Variants in NIPBL observed in about 807,000 individuals in gnomAD.
NIPBL encodes the protein nipped-B-like protein.
In NIPBL, 19 loss-of-function variants were observed where a neutral mutation model predicts 321.8. That is an observed-to-expected ratio of 0.06 (90% confidence interval 0.04 to 0.09). NIPBL has a LOEUF of 0.09. Ranked by LOEUF, NIPBL falls within the 10% of genes least tolerant of loss-of-function variation. The pLI is 1.00. For synonymous variants in NIPBL, 1,106 were observed against 1,114.1 expected (o/e 0.99, Z 0.14); for missense variants, 2,210 against 3,327.0 (o/e 0.66, Z 8.26).
intron 34 of NIPBL, among the ~76,000 whole-genome samples, chr5:37,040,119 A>G (rs1319079489): frequency 6.6e-6 from 1 of 152,160 alleles, no homozygotes; most frequent in African/African-American, 2.4e-5. Context: ...CATGTCTGCC[A>G]GTAGAGTCTG....
chr5:36,886,067 G>A, intron 1 of NIPBL: 1 of 702,664 alleles, frequency 1.4e-6, no homozygotes, highest in Non-Finnish European at 2.6e-6. Flanking sequence ...GTCCGCGCAG[G>A]TCGGAGCTGC....
intron 7 of NIPBL, 125 bp from the exon 8 acceptor site, chr5:36,971,820 G>A (rs1742878537): frequency 2.0e-6 from 3 of 1,493,700 alleles, no homozygotes; most frequent in Non-Finnish European, 2.7e-6. Context: ...AAGTGCAGAA[G>A]AATTATGCTT....
At chr5:37,054,214 A>AT (rs1437184113) in intron 42 of NIPBL, among the ~76,000 whole-genome samples, 2 of 151,406 alleles carry the variant, frequency 1.3e-5, no homozygotes, top group Non-Finnish European at 3.0e-5. Context: ...AAAAAAAAAA[A>AT]GAACAAAAGA....
chr5:36,968,738 G>A (rs1198885681), intron 6 of NIPBL, among the ~76,000 whole-genome samples: 1 of 152,074 alleles, frequency 6.6e-6, no homozygotes, highest in Non-Finnish European at 1.5e-5. Context: ...GTTACCTAGT[G>A]GTAGAAAAAA....
chr5:36,944,150 A>T (rs1739407952), intron 1 of NIPBL, among the ~76,000 whole-genome samples: 1 of 152,028 alleles, frequency 6.6e-6, no homozygotes, highest in Non-Finnish European at 1.5e-5. Flanking sequence ...TTTTTATTGG[A>T]AGTAGGGACA....
intron 1 of NIPBL, among the ~76,000 whole-genome samples, chr5:36,911,045 A>G (rs944967161): frequency 6.6e-6 from 1 of 152,198 alleles, no homozygotes; most frequent in East Asian, 1.9e-4. Flanking sequence ...AAGATCATTT[A>G]AAAAAATATC....
At chr5:37,052,611 A>G (rs932970486) in intron 42 of NIPBL, 45 bp downstream of exon 42, 2 of 1,446,526 alleles carry the variant, frequency 1.4e-6, no homozygotes, top group African/African-American at 2.8e-5. Context: ...GTGCTCTAGA[A>G]ATTTTATGGA....
intron 18 of NIPBL, among the ~76,000 whole-genome samples, 156 bp from the exon 19 acceptor site, chr5:37,007,852 A>T (rs1243842731): frequency 6.6e-6 from 1 of 152,038 alleles, no homozygotes; most frequent in Non-Finnish European, 1.5e-5. Flanking sequence ...GATGAAGGGA[A>T]ACAGAGAAAA....
intron 21 of NIPBL, among the ~76,000 whole-genome samples, chr5:37,014,395 T>C (rs1009801397): frequency 1.3e-5 from 2 of 152,202 alleles, no homozygotes; most frequent in African/African-American, 4.8e-5. Context: ...CATTTCTTTC[T>C]GTTCTGACCA....
chr5:36,984,449 A>G (rs530250046), intron 9 of NIPBL, among the ~76,000 whole-genome samples: 2 of 152,184 alleles, frequency 1.3e-5, no homozygotes, highest in South Asian at 4.1e-4. Flanking sequence ...ATGCAGTTAA[A>G]TTCTTTTTAC....
intron 34 of NIPBL, among the ~76,000 whole-genome samples, chr5:37,042,898 C>CGT (rs1474490547): frequency 6.7e-6 from 1 of 148,638 alleles, no homozygotes; most frequent in Non-Finnish European, 1.5e-5. Context: ...CACACACGCG[C>CGT]GCACACACAC....
chr5:37,062,237 T>C (rs572746025), intron 45 of NIPBL, among the ~76,000 whole-genome samples: 4 of 152,360 alleles, frequency 2.6e-5, no homozygotes, highest in Admixed American at 6.5e-5. Flanking sequence ...GCTATGTTTT[T>C]AATTCAGAAA....
In NIPBL at chr5:36,880,766, C is replaced by A. The variant is rs148337128; in HGVS notation, c.-80+3588C>A. On this transcript the variant is annotated intron_variant, in intron 1 of 46. Transcript: ENST00000282516. ...TCAGCAGTTGTCATTTATAATAATT[C>A]TTCGTATTTTAAAACTAGTCCTTTT... is the stretch of plus-strand genomic sequence containing the variant. Among the ~76,000 whole-genome samples the A allele has an allele frequency of 8.6e-3, 1,313 of 152,000 alleles. 21 individuals are homozygous for A. Among genetic ancestry groups the A allele is most frequent in the African/African-American group, 0.027 (1,141 of 41,496 alleles).
chr5:37,019,188 G>T, intron 24 of NIPBL, 123 bp from the exon 25 acceptor site: 4 of 700,548 alleles, frequency 5.7e-6, no homozygotes, highest in Admixed American at 4.6e-5. Context: ...TTTCCTTTTA[G>T]TTACTGTGGT....
chr5:36,949,671 A>G (rs1251409518), intron 1 of NIPBL, among the ~76,000 whole-genome samples: 1 of 151,868 alleles, frequency 6.6e-6, no homozygotes, highest in Non-Finnish European at 1.5e-5. Flanking sequence ...GTTGAGAAAA[A>G]ATGATGCATT....
rs758936859 is a variant in NIPBL, at chr5:37,066,137, A to G, written c.*1245A>G. On this transcript the variant is annotated 3_prime_UTR_variant, in exon 47 of 47. Coordinates refer to ENST00000282516, the MANE Select transcript of NIPBL (RefSeq NM_133433.4). ...CATTTACACATTACTTACTGCAGATATCTTGACTAAATCAGGAGGGAGGTG... is the reference window on the plus strand; with the variant it reads ...CATTTACACATTACTTACTGCAGATGTCTTGACTAAATCAGGAGGGAGGTG... 11 of 152,184 alleles carry G rather than the reference A, an allele frequency of 7.2e-5. No individual in the cohort carries two copies. Among genetic ancestry groups the G allele is most frequent in the Non-Finnish European group, 1.5e-4 (10 of 68,010 alleles). The allele number at this position is 152,184 out of a possible 1,614,324, so 9.4% of individuals were successfully genotyped here.
chr5:37,001,086 C>A lies in NIPBL; in HGVS notation c.3664+8C>A. 3 of 1,560,380 alleles carry A rather than the reference C, an allele frequency of 1.9e-6. No individual in the cohort carries two copies. The South Asian group carries it at 3.3e-5, about 17-fold the overall frequency. On this transcript the variant is annotated splice_region_variant and intron_variant, in intron 14 of 46. Coordinates refer to ENST00000282516, the MANE Select transcript of NIPBL (RefSeq NM_133433.4). ...TGGATTTTACTGCGTTTGGTAAAATCAACTTAAAATACATTTACACATACT... is the reference window on the plus strand; with the variant it reads ...TGGATTTTACTGCGTTTGGTAAAATAAACTTAAAATACATTTACACATACT...
chr5:36,925,396 G>A (rs1561393030), intron 1 of NIPBL, among the ~76,000 whole-genome samples: 1 of 151,614 alleles, frequency 6.6e-6, no homozygotes, highest in Non-Finnish European at 1.5e-5. Flanking sequence ...TGCCTCCTGA[G>A]TAGCTGGGAT....
chr5:36,921,684 C>T (rs186099633), intron 1 of NIPBL, among the ~76,000 whole-genome samples: 40 of 152,188 alleles, frequency 2.6e-4, no homozygotes, highest in African/African-American at 4.6e-4. Flanking sequence ...TAAAATCCTA[C>T]GTTTTATAAA....
Sources: allele counts gnomAD v4.1 joint callset (sites outside exome capture counted in the v4.1 genomes callset), GRCh38; gene constraint gnomAD v4.1.1; transcripts MANE v1.5; gene names NCBI Gene and HGNC (gene_info 2026-07-23, HGNC 2026-07-21).